Variants in RALGAPA2 observed in about 807,000 individuals in gnomAD.
RALGAPA2 encodes ral GTPase-activating protein subunit alpha-2.
In RALGAPA2, 139 loss-of-function variants were observed where a neutral mutation model predicts 230.4. The ratio of observed to expected loss-of-function variants is 0.60; its 90% CI spans 0.53 to 0.69. RALGAPA2 has a LOEUF of 0.69. Ranked by LOEUF, RALGAPA2 falls within the 30% of genes least tolerant of loss-of-function variation. The probability of loss-of-function intolerance (pLI) is 0.00; values close to 1 mark genes in which losing one functional copy is unlikely to be tolerated. For synonymous variants in RALGAPA2, 847 were observed against 837.8 expected, an observed-to-expected ratio of 1.01 and a Z score of -0.19; for missense variants, 2,163 against 2,276.0, an observed-to-expected ratio of 0.95 and a Z score of 1.01.
intron 37 of RALGAPA2, among the ~76,000 whole-genome samples, chr20:20,463,860 T>A (rs2061356847): frequency 6.6e-6 from 1 of 152,160 alleles, no homozygotes; most frequent in South Asian, 2.1e-4. Context: ...GGTCAGCAAA[T>A]ACCCTCTTGC....
chr20:20,512,597 T>C lies in RALGAPA2; in HGVS notation c.4772A>G (p.Gln1591Arg), dbSNP rs776293226. The C allele has an allele frequency of 1.2e-6, 2 of 1,613,946 alleles. No individual in the cohort carries two copies. The highest frequency in any genetic ancestry group is 1.7e-6 in the Non-Finnish European group (2 of 1,179,820). The change falls in exon 32 of 40, where the codon CAG becomes CGG. Residue 1591 changes from glutamine (Q) to arginine (R), a missense_variant. Transcript: ENST00000202677. ...TCCTCGGGGCTCCACTGGGGAGGGC[T>C]GCCCTTGGCTGGTGACTTTCATTGC... ...DSAMKVTSQG[Q>R]PSPVEPRGPF...
At chr20:20,677,628 CATTTTTTTTTTT>C (rs2068376974) in intron 2 of RALGAPA2, among the ~76,000 whole-genome samples, 4 of 121,840 alleles carry the variant, frequency 3.3e-5, no homozygotes, top group African/African-American at 6.8e-5. Flanking sequence ...TGATTTGACC[CATTTTTTTTTTT>C]TTTTTTTTTT....
At chr20:20,551,143 T>C (rs555942948) in intron 23 of RALGAPA2, among the ~76,000 whole-genome samples, 17 of 152,358 alleles carry the variant, frequency 1.1e-4, no homozygotes, top group African/African-American at 4.1e-4. Context: ...TTAGATTTTC[T>C]AGGATTCATT....
At chr20:20,616,221 T>C (rs201544742) in intron 12 of RALGAPA2, 30 bp from the exon 13 acceptor site, 125 of 1,410,152 alleles carry the variant, frequency 8.9e-5, no homozygotes, top group South Asian at 1.8e-4. Context: ...CATTAGAAAA[T>C]ATAACTGAAC....
At chr20:20,682,936 T>C (rs2068571682) in intron 1 of RALGAPA2, among the ~76,000 whole-genome samples, 1 of 152,196 alleles carries the variant, frequency 6.6e-6, no homozygotes, top group Non-Finnish European at 1.5e-5. Context: ...TCTCCCACTG[T>C]GGGCTCTAGT....
At chr20:20,482,603 T>C (rs762844238) in intron 36 of RALGAPA2, among the ~76,000 whole-genome samples, 8 of 152,188 alleles carry the variant, frequency 5.3e-5, no homozygotes, top group Admixed American at 3.3e-4. Flanking sequence ...AGCTGGTTTG[T>C]ATGAATGCTG....
At chr20:20,526,477 C>T (rs766685193) in intron 27 of RALGAPA2, 115 bp from the exon 28 acceptor site, 1 of 682,126 alleles carries the variant, frequency 1.5e-6, no homozygotes, top group South Asian at 2.3e-5. Flanking sequence ...ATCTGTTTTG[C>T]CTCAAATTGA....
intron 35 of RALGAPA2, among the ~76,000 whole-genome samples, chr20:20,499,121 T>C (rs577244917): frequency 6.6e-6 from 1 of 152,298 alleles, no homozygotes; most frequent in Admixed American, 6.5e-5. Flanking sequence ...CAAGGAACTG[T>C]GGGCTGCTGT....
intron 33 of RALGAPA2, among the ~76,000 whole-genome samples, chr20:20,507,399 A>G (rs2062565958): frequency 6.6e-6 from 1 of 152,152 alleles, no homozygotes; most frequent in Admixed American, 6.5e-5. Flanking sequence ...CTGGAGTGCA[A>G]TGGCGTGATC....
At chr20:20,405,521 T>C (rs2059927326) in intron 38 of RALGAPA2, among the ~76,000 whole-genome samples, 1 of 152,094 alleles carries the variant, frequency 6.6e-6, no homozygotes, top group Non-Finnish European at 1.5e-5. Flanking sequence ...GCCAAGCAAA[T>C]GAAAAGAATG....
chr20:20,663,860 G>C (rs553830721), intron 3 of RALGAPA2, among the ~76,000 whole-genome samples: 21 of 152,256 alleles, frequency 1.4e-4, no homozygotes, highest in African/African-American at 4.6e-4. Context: ...CCAAAGTGCT[G>C]GGATTACAGG....
chr20:20,480,418 T>TATA (rs2061747865), intron 36 of RALGAPA2, among the ~76,000 whole-genome samples: 1 of 152,348 alleles, frequency 6.6e-6, no homozygotes, highest in Admixed American at 6.5e-5. Context: ...TGGGATATAT[T>TATA]ACCCCATGAG....
intron 37 of RALGAPA2, among the ~76,000 whole-genome samples, chr20:20,427,501 C>T (rs928834473): frequency 3.9e-5 from 6 of 152,004 alleles, no homozygotes; most frequent in African/African-American, 1.5e-4. Flanking sequence ...TTCATTAGAA[C>T]TCCCTCCGAC....
chr20:20,509,323 C>G (rs577496027), intron 33 of RALGAPA2, among the ~76,000 whole-genome samples: 1 of 152,182 alleles, frequency 6.6e-6, no homozygotes, highest in East Asian at 1.9e-4. Context: ...AAATTCAAAT[C>G]TTTTACTGTC....
At chr20:20,439,243 C>A in intron 37 of RALGAPA2, among the ~76,000 whole-genome samples, 1 of 151,484 alleles carries the variant, frequency 6.6e-6, no homozygotes. Context: ...GACAGGGTCT[C>A]ACTTTTTCAC....
In RALGAPA2 at chr20:20,400,441, C is replaced by T. The variant is rs187466943; in HGVS notation, c.5618-3707G>A. On this transcript the variant is annotated intron_variant, in intron 38 of 39. Transcript: ENST00000202677. Reference sequence around the variant, plus strand: ...TATACGTGCTGCTCCCGTGCAGGGGCTAAGTGAGCAGGTGGATCATTGGTA... The same window carrying T: ...TATACGTGCTGCTCCCGTGCAGGGGTTAAGTGAGCAGGTGGATCATTGGTA... Among the ~76,000 whole-genome samples, 7 of 152,286 alleles carry T rather than the reference C, an allele frequency of 4.6e-5. No individual in the cohort carries two copies. The East Asian group carries it at 1.2e-3, about 25-fold the overall frequency.
intron 37 of RALGAPA2, among the ~76,000 whole-genome samples, chr20:20,423,571 C>A (rs549467720): frequency 6.6e-6 from 1 of 152,254 alleles, no homozygotes; most frequent in South Asian, 2.1e-4. Context: ...GGGCTCAGGT[C>A]GCATTTAATA....
intron 37 of RALGAPA2, among the ~76,000 whole-genome samples, chr20:20,423,946 A>G (rs1569386420): frequency 6.6e-6 from 1 of 152,242 alleles, no homozygotes; most frequent in Non-Finnish European, 1.5e-5. Flanking sequence ...ACCAAGTTTA[A>G]GAATAATTCT....
At chr20:20,476,674 AAAATAAATAAATAAATAAATAAAT>A (rs557603048) in intron 36 of RALGAPA2, among the ~76,000 whole-genome samples, 3 of 139,428 alleles carry the variant, frequency 2.2e-5, no homozygotes, top group East Asian at 2.1e-4. Flanking sequence ...CATAAATCAT[AAAATAAATAAATAAATAAATAAAT>A]AAATAAATAA....
Sources: allele counts gnomAD v4.1 joint callset (sites outside exome capture counted in the v4.1 genomes callset), GRCh38; gene constraint gnomAD v4.1.1; transcripts MANE v1.5; gene names NCBI Gene and HGNC (gene_info 2026-07-23, HGNC 2026-07-21).